ZNF438: variants seen among roughly 807,000 people sequenced by gnomAD.
ZNF438 encodes the protein zinc finger protein 438.
Under a neutral mutation model 38.0 loss-of-function variants are expected in ZNF438, and 25 were observed. That is an observed-to-expected ratio of 0.66 (90% CI 0.48 to 0.92). The LOEUF (loss-of-function observed/expected upper bound fraction) is 0.92, where lower values mean the gene tolerates loss of function less well. Among genes scored for constraint, ZNF438 ranks in the 40% least tolerant of loss-of-function variants. ZNF438 has a pLI of 0.00. For missense variants in ZNF438, 1,007 were observed against 999.6 expected, an observed-to-expected ratio of 1.01 and a Z score of -0.10; for synonymous variants, 372 against 364.1, an observed-to-expected ratio of 1.02 and a Z score of -0.25.
At chr10:30,958,079 T>C (rs1001188569) in intron 1 of ZNF438, among the ~76,000 whole-genome samples, 27 of 146,884 alleles carry the variant, frequency 1.8e-4, no homozygotes, top group African/African-American at 5.1e-4. Context: ...TCGAGGTCTT[T>C]TGTAGTTCCA....
At chr10:30,922,645 A>G (rs1406479532) in intron 2 of ZNF438, among the ~76,000 whole-genome samples, 1 of 152,024 alleles carries the variant, frequency 6.6e-6, no homozygotes, top group Non-Finnish European at 1.5e-5. Context: ...ACCAGCCTGG[A>G]CAACATGGTG....
At chr10:31,018,402 T>C (rs543950927) in intron 1 of ZNF438, among the ~76,000 whole-genome samples, 24 of 152,378 alleles carry the variant, frequency 1.6e-4, no homozygotes, top group Non-Finnish European at 2.1e-4. Flanking sequence ...AGTCTGATTC[T>C]TTCTAACTAC....
At chr10:30,993,011 T>G (rs1564811987) in intron 1 of ZNF438, among the ~76,000 whole-genome samples, 1 of 152,146 alleles carries the variant, frequency 6.6e-6, no homozygotes, top group African/African-American at 2.4e-5. Flanking sequence ...TACAGTGAGA[T>G]TTGGGAGCAA....
intron 3 of ZNF438, among the ~76,000 whole-genome samples, chr10:30,881,861 C>T (rs894223195): frequency 2.0e-5 from 3 of 152,076 alleles, no homozygotes; most frequent in African/African-American, 7.2e-5. Context: ...GATGCTTTCT[C>T]TGTATGCAAA....
At chr10:30,983,825 T>C (rs1313073364) in intron 1 of ZNF438, among the ~76,000 whole-genome samples, 1 of 152,228 alleles carries the variant, frequency 6.6e-6, no homozygotes, top group Non-Finnish European at 1.5e-5. Flanking sequence ...TATTTTGAAA[T>C]AATTTTAGAT....
At chr10:30,918,014 C>T (rs1000402685) in intron 2 of ZNF438, among the ~76,000 whole-genome samples, 3 of 151,938 alleles carry the variant, frequency 2.0e-5, no homozygotes, top group African/African-American at 7.2e-5. Context: ...TATATTTTTG[C>T]TTGTGGATAT....
chr10:30,875,628 T>C (rs2133622980), intron 4 of ZNF438: 3 of 959,154 alleles, frequency 3.1e-6, no homozygotes, highest in Non-Finnish European at 3.7e-6. Context: ...GAAAAACACA[T>C]GCTCTTTATT....
At chr10:30,860,803 G>A (rs2035448285) in intron 4 of ZNF438, among the ~76,000 whole-genome samples, 1 of 152,184 alleles carries the variant, frequency 6.6e-6, no homozygotes, top group Non-Finnish European at 1.5e-5. Context: ...TACCTAGTAA[G>A]TAGTGAGGCC....
intron 1 of ZNF438, among the ~76,000 whole-genome samples, chr10:30,963,392 C>CAAAAAAAAAAAAAAAAAAAAAAAAA (rs753557823): frequency 1.2e-5 from 1 of 86,056 alleles, no homozygotes; most frequent in African/African-American, 4.9e-5. Context: ...AACTCCATCT[C>CAAAAAAAAAAAAAAAAAAAAAAAAA]AAAAAAAAAA....
intron 3 of ZNF438, among the ~76,000 whole-genome samples, chr10:30,885,568 T>C (rs1479306637): frequency 6.6e-6 from 1 of 152,198 alleles, no homozygotes; most frequent in Non-Finnish European, 1.5e-5. Flanking sequence ...CAAAGAAAAT[T>C]AAGCATCTTG....
At chr10:30,847,731 G>C (rs887622120) in intron 5 of ZNF438, among the ~76,000 whole-genome samples, 1 of 152,244 alleles carries the variant, frequency 6.6e-6, no homozygotes, top group African/African-American at 2.4e-5. Flanking sequence ...AACCGTGGAA[G>C]CTGCTTGTGA....
intron 2 of ZNF438, among the ~76,000 whole-genome samples, chr10:30,924,514 A>C (rs779223864): frequency 5.9e-5 from 9 of 152,220 alleles, no homozygotes; most frequent in Non-Finnish European, 1.0e-4. Flanking sequence ...TCATTTCCTG[A>C]GAAAGGAACT....
At chr10:30,996,263 A>G (rs1282994166) in intron 1 of ZNF438, among the ~76,000 whole-genome samples, 1 of 152,156 alleles carries the variant, frequency 6.6e-6, no homozygotes, top group Non-Finnish European at 1.5e-5. Flanking sequence ...TAATCACATT[A>G]AATGTGAACA....
chr10:30,984,960 T>A (rs553594987), intron 1 of ZNF438, among the ~76,000 whole-genome samples: 2 of 152,342 alleles, frequency 1.3e-5, no homozygotes, highest in East Asian at 3.9e-4. Context: ...TGATTTTTTT[T>A]AATGATAGCA....
intron 3 of ZNF438, among the ~76,000 whole-genome samples, chr10:30,884,590 A>G (rs1442023689): frequency 6.6e-6 from 1 of 152,242 alleles, no homozygotes; most frequent in Non-Finnish European, 1.5e-5. Context: ...TATTAAATAG[A>G]AAAATCTATC....
chr10:30,863,045 A>AT lies in ZNF438; in HGVS notation c.38-12679dup, dbSNP rs1313687470. Among the ~76,000 whole-genome samples the AT allele has an allele frequency of 2.5e-4, 38 of 152,254 alleles. No individual in the cohort carries two copies. In the East Asian group the frequency reaches 5.2e-3, roughly 21 times the overall value. On this transcript the variant is annotated intron_variant, in intron 4 of 5. Coordinates refer to ENST00000413025, the Ensembl canonical transcript of ZNF438. ...TCTTTAACTCACAGTGATTTATAACATTTTTTTGCTGCACGTTTTTCTATA... is the reference window on the plus strand; with the variant it reads ...TCTTTAACTCACAGTGATTTATAACATTTTTTTTGCTGCACGTTTTTCTATA...
intron 2 of ZNF438, among the ~76,000 whole-genome samples, chr10:30,934,159 G>A (rs9645509): frequency 1.7e-4 from 24 of 144,478 alleles, no homozygotes; most frequent in South Asian, 2.2e-4. Flanking sequence ...AAAAGAAAAA[G>A]AAAAAAAAAA....
At chr10:31,022,258 T>C (rs894092828) in intron 1 of ZNF438, among the ~76,000 whole-genome samples, 1 of 68,524 alleles carries the variant, frequency 1.5e-5, no homozygotes, top group Non-Finnish European at 3.2e-5. Flanking sequence ...ACAGCTTTCT[T>C]CCTTTTTTTT....
intron 1 of ZNF438, among the ~76,000 whole-genome samples, chr10:31,026,031 G>C (rs1430105474): frequency 2.6e-5 from 4 of 152,154 alleles, no homozygotes; most frequent in African/African-American, 9.7e-5. Context: ...AAACTGGCTA[G>C]CCATATTGAG....
Sources: gnomAD v4.1 joint callset for allele counts (sites outside exome capture counted in the v4.1 genomes callset) on GRCh38, gnomAD v4.1.1 for gene constraint, MANE v1.5 for transcripts, NCBI Gene and HGNC (gene_info 2026-07-23, HGNC 2026-07-21) for gene names.